The following SPAST variants were observed in gnomAD, a reference collection of about 807,000 sequenced individuals.
SPAST encodes the protein spastic paraplegia 4 (autosomal dominant; spastin).
SPAST carries 30 observed loss-of-function variants against 76.6 expected under a neutral mutation model. The ratio of observed to expected loss-of-function variants is 0.39; its 90% CI spans 0.29 to 0.53. The LOEUF (loss-of-function observed/expected upper bound fraction) is 0.53, where lower values mean the gene tolerates loss of function less well. Ranked by LOEUF, SPAST falls within the 20% of genes least tolerant of loss-of-function variation. SPAST has a pLI of 0.68. For missense variants in SPAST, 717 were observed against 770.5 expected (o/e 0.93, Z 0.82); for synonymous variants, 305 against 281.0 (o/e 1.09, Z -0.86).
chr2:32,151,645 C>T (rs1164319683), intron 16 of SPAST, among the ~76,000 whole-genome samples: 1 of 152,138 alleles, frequency 6.6e-6, no homozygotes, highest in East Asian at 1.9e-4. Context: ...CACAGTGGCT[C>T]ACGCCTGTAA....
intron 7 of SPAST, among the ~76,000 whole-genome samples, chr2:32,120,613 C>G (rs541917405): frequency 6.9e-5 from 10 of 145,650 alleles, no homozygotes; most frequent in Non-Finnish European, 1.3e-4. Context: ...TTTCCTGGAA[C>G]CACCTTCTTC....
intron 7 of SPAST, among the ~76,000 whole-genome samples, chr2:32,117,034 G>T (rs929532473): frequency 1.3e-5 from 2 of 152,002 alleles, no homozygotes; most frequent in Non-Finnish European, 2.9e-5. Flanking sequence ...GCTGAGGCGG[G>T]CAGATCACGA....
At chr2:32,068,781 C>G (rs1676627788) in intron 1 of SPAST, among the ~76,000 whole-genome samples, 1 of 151,718 alleles carries the variant, frequency 6.6e-6, no homozygotes, top group Non-Finnish European at 1.5e-5. Flanking sequence ...GTAATCCCAG[C>G]TACTCGGGAG....
Position 32,154,691 on chromosome 2 carries a change from T to A in SPAST, c.*195T>A, listed in dbSNP as rs778599351. On this transcript the variant is annotated 3_prime_UTR_variant, in exon 17 of 17. Coordinates refer to ENST00000315285, the MANE Select transcript of SPAST (RefSeq NM_014946.4). ...ATACAATGCAAATGTAATTTTTTGTTGTTTAAGGCCTTGCCTTGATGGTCA... is the reference window on the plus strand; with the variant it reads ...ATACAATGCAAATGTAATTTTTTGTAGTTTAAGGCCTTGCCTTGATGGTCA... The A allele has an allele frequency of 5.0e-5, 30 of 599,998 alleles. No individual in the cohort carries two copies. Among genetic ancestry groups the A allele is most frequent in the Non-Finnish European group, 7.8e-5 (27 of 345,108 alleles). 37.2% of individuals were successfully genotyped at this position (599,998 alleles called of 1,614,324 possible).
At chr2:32,115,033 C>G (rs1328395186) in intron 5 of SPAST, among the ~76,000 whole-genome samples, 1 of 148,536 alleles carries the variant, frequency 6.7e-6, no homozygotes, top group Non-Finnish European at 1.5e-5. Context: ...ATTGCAACCT[C>G]CGCCTCCCAG....
chr2:32,147,996 A>G (rs1343677123), intron 16 of SPAST, among the ~76,000 whole-genome samples: 1 of 143,682 alleles, frequency 7.0e-6, no homozygotes, highest in East Asian at 2.2e-4. Flanking sequence ...GCAGTGGTGC[A>G]ATCGTGGCTG....
chr2:32,117,857 C>T (rs1051167823), intron 7 of SPAST, among the ~76,000 whole-genome samples: 80 of 152,138 alleles, frequency 5.3e-4, no homozygotes, highest in African/African-American at 1.8e-3. Context: ...AAAAGAATGA[C>T]TTTTAAGGAT....
intron 1 of SPAST, among the ~76,000 whole-genome samples, chr2:32,085,061 T>TTTTCTATAA (rs1380464553): frequency 6.6e-6 from 1 of 152,054 alleles, no homozygotes; most frequent in East Asian, 1.9e-4. Context: ...TATTACACTA[T>TTTTCTATAA]TTTCTATAAT....
In SPAST at chr2:32,116,153, CA is replaced by C; in HGVS notation, c.1041del (p.Asp348ThrfsTer16). On this transcript the variant is annotated frameshift_variant, in exon 7 of 17. Coordinates refer to ENST00000315285, the MANE Select transcript of SPAST (RefSeq NM_014946.4). LOFTEE classifies it high-confidence loss of function. ...TGTTAAATTTGATGATATAGCTGGT[CA>C]AGACTTGGCAAAACAAGCATTGCAA... ...TAVKFDDIAG[Q>X]DLAKQALQEI... The C allele has an allele frequency of 6.2e-7, 1 of 1,613,432 alleles. No individual in the cohort carries two copies. The highest frequency in any genetic ancestry group is 8.5e-7 in the Non-Finnish European group (1 of 1,179,630).
chr2:32,082,725 G>A (rs1677289733), intron 1 of SPAST, among the ~76,000 whole-genome samples: 1 of 151,858 alleles, frequency 6.6e-6, no homozygotes, highest in Non-Finnish European at 1.5e-5. Flanking sequence ...CTGTCCCTAT[G>A]GTTTTATCTT....
At chr2:32,153,990 T>C (rs1010541874) in intron 16 of SPAST, among the ~76,000 whole-genome samples, 1 of 152,176 alleles carries the variant, frequency 6.6e-6, no homozygotes, top group African/African-American at 2.4e-5. Context: ...GACAGAAGAA[T>C]TGCTTGAACC....
intron 9 of SPAST, among the ~76,000 whole-genome samples, chr2:32,135,973 G>T (rs1306309998): frequency 1.3e-5 from 2 of 151,682 alleles, no homozygotes; most frequent in Non-Finnish European, 2.9e-5. Context: ...AGCTACCTGG[G>T]ATGTTGAGGG....
rs1257203523 is a variant in SPAST at position 32,109,933 on chromosome 2, T to TACAC, written c.683-4704_683-4703insCACA. ...ATATATAGTTACATATGTATATGCA[T>TACAC]ATACATATATAGTTACATATGTATA... is the stretch of plus-strand genomic sequence containing the variant. On this transcript the variant is annotated intron_variant, in intron 4 of 16. Coordinates refer to ENST00000315285, the MANE Select transcript of SPAST (RefSeq NM_014946.4). 1.5e-4 allele frequency among the ~76,000 whole-genome samples: 23 copies of TACAC among 148,536 alleles called. No individual in the cohort carries two copies. The South Asian group carries it at 2.1e-3, about 14-fold the overall frequency.
intron 1 of SPAST, among the ~76,000 whole-genome samples, chr2:32,069,406 C>G (rs1354105970): frequency 6.6e-5 from 10 of 152,010 alleles, no homozygotes; most frequent in African/African-American, 2.2e-4. Flanking sequence ...TGTAATTCTT[C>G]CTCTTTCTCA....
intron 1 of SPAST, chr2:32,065,955 T>C (rs1173188015): frequency 6.6e-6 from 1 of 152,100 alleles, no homozygotes; most frequent in East Asian, 1.9e-4. Context: ...AAGGAAATTT[T>C]TTGTTAACTG....
intron 1 of SPAST, among the ~76,000 whole-genome samples, chr2:32,077,660 T>C (rs528593263): frequency 1.3e-5 from 2 of 152,276 alleles, no homozygotes; most frequent in African/African-American, 4.8e-5. Context: ...CAAACACATA[T>C]CCTCTCACTC....
At chr2:32,128,721 TC>T in intron 9 of SPAST, 1 of 495,560 alleles carries the variant, frequency 2.0e-6, no homozygotes, top group Non-Finnish European at 3.6e-6. Flanking sequence ...GGCTTAAACA[TC>T]AGCAATTTAT....
intron 4 of SPAST, among the ~76,000 whole-genome samples, chr2:32,108,985 C>A (rs1460741743): frequency 1.3e-5 from 2 of 151,882 alleles, no homozygotes; most frequent in East Asian, 3.8e-4. Context: ...AGGATGATCT[C>A]GATCTCCTGA....
chr2:32,147,926 C>T (rs1423013917), intron 16 of SPAST, among the ~76,000 whole-genome samples: 1 of 138,974 alleles, frequency 7.2e-6, no homozygotes, highest in African/African-American at 2.7e-5. Flanking sequence ...CCACTGCGCC[C>T]GGCCTTTTTT....
Sources: allele counts gnomAD v4.1 joint callset (sites outside exome capture counted in the v4.1 genomes callset), GRCh38; gene constraint gnomAD v4.1.1; transcripts MANE v1.5; gene names NCBI Gene and HGNC (gene_info 2026-07-23, HGNC 2026-07-21).